Variants in LSAMP observed in about 807,000 individuals in gnomAD.
LSAMP encodes limbic system-associated membrane protein.
A neutral mutation model predicts 38.6 loss-of-function variants in LSAMP; 7 were observed. That is an observed-to-expected ratio of 0.18 (90% confidence interval 0.10 to 0.34). The LOEUF (loss-of-function observed/expected upper bound fraction) is 0.34. Ranked by LOEUF, LSAMP falls within the 10% of genes least tolerant of loss-of-function variation. LSAMP has a pLI of 1.00. For synonymous variants in LSAMP, 154 were observed against 166.8 expected, an observed-to-expected ratio of 0.92 and a Z score of 0.59; for missense variants, 313 against 420.0, an observed-to-expected ratio of 0.75 and a Z score of 2.23.
intron 1 of LSAMP, among the ~76,000 whole-genome samples, chr3:116,129,155 G>A (rs1176321220): frequency 6.6e-6 from 1 of 152,032 alleles, no homozygotes; most frequent in Non-Finnish European, 1.5e-5. Context: ...CATTCGCAAT[G>A]AGGAGTGTTA....
rs1244436399 is a variant in LSAMP at position 116,362,609 on chromosome 3, A to AGT, written c.155+82266_155+82267dup. On this transcript the variant is annotated intron_variant, in intron 1 of 6. Transcript: ENST00000490035. ...TTCCAAAATTGACCACATAGTTGGA[A>AGT]GTAAAGCTCTCCTCAGCAAATGTAA... 8.2e-5 allele frequency among the ~76,000 whole-genome samples: 3 copies of AGT among 36,466 alleles called. No homozygotes were observed. In the East Asian group the frequency reaches 2.4e-3, roughly 29 times the overall value. The allele number at this position is 36,466 out of a possible 152,430, so 23.9% of individuals were successfully genotyped here. A position where few individuals can be genotyped will look rare whatever the true frequency, so the allele number is the denominator to read the frequency against.
chr3:116,090,868 C>T (rs1270751872), intron 1 of LSAMP, among the ~76,000 whole-genome samples: 1 of 152,094 alleles, frequency 6.6e-6, no homozygotes, highest in East Asian at 1.9e-4. Flanking sequence ...GGAGGCAGGG[C>T]GAGATCACAG....
intron 1 of LSAMP, among the ~76,000 whole-genome samples, chr3:116,204,674 C>T (rs1418149681): frequency 1.3e-5 from 2 of 152,054 alleles, no homozygotes; most frequent in Admixed American, 6.5e-5. Flanking sequence ...TTCCCCATTG[C>T]TTGTTTTTCT....
intron 1 of LSAMP, among the ~76,000 whole-genome samples, chr3:116,182,865 T>C (rs535410053): frequency 6.6e-6 from 1 of 151,978 alleles, no homozygotes; most frequent in South Asian, 2.1e-4. Flanking sequence ...ATATTGGTAA[T>C]ACACAGATAA....
At position 116,135,967 on chromosome 3, in the gene LSAMP, C is replaced by T. The variant is rs188457267; in HGVS notation, c.156-49411G>A. On this transcript the variant is annotated intron_variant, in intron 1 of 6. Coordinates refer to ENST00000490035, the MANE Select transcript of LSAMP (RefSeq NM_002338.5). ...TAAAAATGTCCTAGAGAGTCAATAC[C>T]CATGTTTGATGGCCTCACACAAGCA... Among the ~76,000 whole-genome samples, 779 of 152,038 alleles carry T rather than the reference C, an allele frequency of 5.1e-3. 6 individuals are homozygous for T. Among genetic ancestry groups the T allele is most frequent in the South Asian group, 0.014 (68 of 4,808 alleles).
intron 1 of LSAMP, among the ~76,000 whole-genome samples, chr3:116,246,040 C>G (rs2046601833): frequency 6.6e-6 from 1 of 152,144 alleles, no homozygotes; most frequent in Non-Finnish European, 1.5e-5. Flanking sequence ...GTCATCCAGT[C>G]CAAACTCTTT....
chr3:116,263,253 T>C (rs1418363340), intron 1 of LSAMP, among the ~76,000 whole-genome samples: 1 of 152,096 alleles, frequency 6.6e-6, no homozygotes, highest in Admixed American at 6.5e-5. Context: ...TAAAAAAGGA[T>C]GGGGCTGGGT....
intron 4 of LSAMP, among the ~76,000 whole-genome samples, chr3:115,844,794 C>T (rs2972484): frequency 0.44 from 67,331 of 151,878 alleles, 16,136 homozygotes; most frequent in African/African-American, 0.64. Flanking sequence ...CTGGCCAACA[C>T]AGCAAAACCC....
intron 2 of LSAMP, among the ~76,000 whole-genome samples, chr3:116,049,412 A>C (rs1941351604): frequency 6.6e-6 from 1 of 152,128 alleles, no homozygotes; most frequent in African/African-American, 2.4e-5. Flanking sequence ...CTATTTGAAA[A>C]ATTCCAGTAA....
At chr3:116,146,344 C>T (rs1458694381) in intron 1 of LSAMP, among the ~76,000 whole-genome samples, 3 of 151,892 alleles carry the variant, frequency 2.0e-5, no homozygotes, top group African/African-American at 7.2e-5. Context: ...TATTTCGTAC[C>T]TTTGATTCAG....
intron 1 of LSAMP, among the ~76,000 whole-genome samples, chr3:116,159,490 CAT>C (rs997437231): frequency 1.3e-5 from 2 of 151,796 alleles, no homozygotes; most frequent in African/African-American, 4.8e-5. Flanking sequence ...GGCCAATAGG[CAT>C]ATTAAAAAAA....
chr3:116,107,180 T>C lies in LSAMP; in HGVS notation c.156-20624A>G, dbSNP rs530304652. Among the ~76,000 whole-genome samples the C allele has an allele frequency of 2.6e-5, 4 of 152,144 alleles. No individual in the cohort carries two copies. The South Asian group carries it at 8.3e-4, about 32-fold the overall frequency. ...AGTCATGAAGGTCAGGTGTGGTATC[T>C]GGAATAATGTGGGAGGCTGGATTGA... is the stretch of plus-strand genomic sequence containing the variant. On this transcript the variant is annotated intron_variant, in intron 1 of 6. Coordinates refer to ENST00000490035, the MANE Select transcript of LSAMP (RefSeq NM_002338.5).
intron 2 of LSAMP, among the ~76,000 whole-genome samples, chr3:116,039,869 G>A (rs995477431): frequency 6.6e-6 from 1 of 152,136 alleles, no homozygotes; most frequent in African/African-American, 2.4e-5. Context: ...TCAATGACCA[G>A]CTTGTCTCTT....
At chr3:116,303,638 A>G (rs2107708863) in intron 1 of LSAMP, among the ~76,000 whole-genome samples, 1 of 152,306 alleles carries the variant, frequency 6.6e-6, no homozygotes, top group Admixed American at 6.5e-5. Flanking sequence ...GATTTAGGGC[A>G]TCTTCATGAT....
intron 1 of LSAMP, among the ~76,000 whole-genome samples, chr3:116,409,065 G>A (rs2048936600): frequency 6.6e-6 from 1 of 152,042 alleles, no homozygotes; most frequent in South Asian, 2.1e-4. Context: ...TTGCCTGGGA[G>A]GGGTGTTGGG....
At chr3:116,214,772 G>C (rs747771486) in intron 1 of LSAMP, among the ~76,000 whole-genome samples, 31 of 152,076 alleles carry the variant, frequency 2.0e-4, no homozygotes, top group Admixed American at 2.0e-3. Context: ...CAAAGTGCTG[G>C]AATTACAGGT....
chr3:116,344,596 C>A (rs1426126040), intron 1 of LSAMP, among the ~76,000 whole-genome samples: 1 of 152,110 alleles, frequency 6.6e-6, no homozygotes, highest in Non-Finnish European at 1.5e-5. Context: ...TCTGAAAGCA[C>A]CTGGTGCCAA....
At chr3:116,134,083 G>T (rs565153061) in intron 1 of LSAMP, among the ~76,000 whole-genome samples, 19 of 152,166 alleles carry the variant, frequency 1.2e-4, no homozygotes, top group African/African-American at 4.3e-4. Context: ...ATAAAAGACG[G>T]GGTCTCATTT....
intron 1 of LSAMP, among the ~76,000 whole-genome samples, chr3:116,104,564 A>T (rs1708419559): frequency 6.6e-6 from 1 of 152,180 alleles, no homozygotes; most frequent in South Asian, 2.1e-4. Flanking sequence ...GACCCTTTCT[A>T]TTATATCATT....
Sources: gnomAD v4.1 joint callset for allele counts (sites outside exome capture counted in the v4.1 genomes callset) on GRCh38, gnomAD v4.1.1 for gene constraint, MANE v1.5 for transcripts, NCBI Gene and HGNC (gene_info 2026-07-23, HGNC 2026-07-21) for gene names.